The following COL24A1 variants were observed in gnomAD, a reference collection of about 807,000 sequenced individuals.
COL24A1 encodes the protein collagen type XXIV alpha 1 chain.
COL24A1 carries 224 observed loss-of-function variants against 253.9 expected under a neutral mutation model. The ratio of observed to expected loss-of-function variants is 0.88; its 90% CI spans 0.79 to 0.99. The LOEUF is 0.99. Among genes scored for constraint, COL24A1 ranks in the 50% least tolerant of loss-of-function variants. The pLI, the probability that COL24A1 is intolerant of heterozygous loss-of-function variation, is 0.00. For missense variants in COL24A1, 2,131 were observed against 2,068.5 expected, an observed-to-expected ratio of 1.03 and a Z score of -0.59; for synonymous variants, 685 against 673.7, an observed-to-expected ratio of 1.02 and a Z score of -0.26.
intron 19 of COL24A1, among the ~76,000 whole-genome samples, chr1:86,006,194 A>G (rs1369896852): frequency 6.6e-6 from 1 of 152,212 alleles, no homozygotes; most frequent in Non-Finnish European, 1.5e-5. Flanking sequence ...CAAAAGACCC[A>G]AAACAGCCAA....
intron 25 of COL24A1, among the ~76,000 whole-genome samples, chr1:85,910,868 A>T (rs2102926952): frequency 6.6e-6 from 1 of 151,960 alleles, no homozygotes; most frequent in East Asian, 1.9e-4. Flanking sequence ...ATTAGGAAGG[A>T]TGAGAGGAGT....
chr1:85,744,424 T>C (rs140753244), intron 57 of COL24A1, among the ~76,000 whole-genome samples: 361 of 152,128 alleles, frequency 2.4e-3, no homozygotes, highest in African/African-American at 7.2e-3. Flanking sequence ...CCTTTCTTAA[T>C]TTTTAATATG....
intron 12 of COL24A1, among the ~76,000 whole-genome samples, chr1:86,046,386 T>TA (rs1055954002): frequency 1.3e-5 from 2 of 152,144 alleles, no homozygotes; most frequent in Non-Finnish European, 2.9e-5. Flanking sequence ...GGATTTTTTT[T>TA]AACCTGAAAA....
intron 47 of COL24A1, among the ~76,000 whole-genome samples, chr1:85,791,807 C>A (rs530345779): frequency 6.6e-6 from 1 of 152,048 alleles, no homozygotes; most frequent in Admixed American, 6.6e-5. Flanking sequence ...TTAACAAGTG[C>A]AGAAAATTCT....
At chr1:86,111,692 C>T (rs1705628450) in intron 5 of COL24A1, among the ~76,000 whole-genome samples, 2 of 152,184 alleles carry the variant, frequency 1.3e-5, no homozygotes, top group Non-Finnish European at 2.9e-5. Flanking sequence ...CTTGCTGCTG[C>T]TAACTCTTTG....
chr1:85,992,079 C>T (rs1448555895), intron 19 of COL24A1, among the ~76,000 whole-genome samples: 1 of 151,944 alleles, frequency 6.6e-6, no homozygotes, highest in African/African-American at 2.4e-5. Context: ...CCACTCCCCC[C>T]ACCCCACAAC....
intron 24 of COL24A1, among the ~76,000 whole-genome samples, chr1:85,927,352 C>G: frequency 6.6e-6 from 1 of 151,780 alleles, no homozygotes; most frequent in African/African-American, 2.4e-5. Context: ...TCACTCCCAC[C>G]CGAATATTGC....
In COL24A1 at chr1:86,089,190, C is replaced by T; in HGVS notation, c.1691G>A (p.Gly564Asp). 6.3e-7 allele frequency: 1 copy of T among 1,583,874 alleles called. No homozygotes were observed. Among genetic ancestry groups the T allele is most frequent in the Non-Finnish European group, 8.5e-7 (1 of 1,172,002 alleles). The change falls in exon 7 of 60, where the codon GGT (glycine) becomes GAT (aspartate). Residue 564 changes from glycine (G) to aspartate (D), a missense_variant. By Grantham distance (94) the Gly-to-Asp change is moderately conservative (BLOSUM62 -1). Transcript: ENST00000370571. ...CCAACTTACCTTATCACCTTGCATA[C>T]CAGGGGGGCCCATTAATCCAGAAAG... ...QGLSGLMGPP[G>D]MQGDKGLKGH...
At chr1:85,980,775 G>T (rs548750722) in intron 20 of COL24A1, among the ~76,000 whole-genome samples, 1 of 152,010 alleles carries the variant, frequency 6.6e-6, no homozygotes, top group Admixed American at 6.6e-5. Flanking sequence ...CAGGCATGGT[G>T]GTGGGCACCT....
intron 24 of COL24A1, among the ~76,000 whole-genome samples, chr1:85,924,837 G>A (rs1363605694): frequency 6.6e-6 from 1 of 152,140 alleles, no homozygotes; most frequent in African/African-American, 2.4e-5. Flanking sequence ...TCAGGCAAGA[G>A]AAAGAAATAA....
At chr1:86,119,111 T>C (rs932996751) in intron 3 of COL24A1, among the ~76,000 whole-genome samples, 2 of 152,046 alleles carry the variant, frequency 1.3e-5, no homozygotes, top group Non-Finnish European at 2.9e-5. Context: ...GTGAGAACAT[T>C]TTGCAGACTA....
chr1:86,151,664 C>G (rs1359488874), intron 1 of COL24A1, among the ~76,000 whole-genome samples: 1 of 152,162 alleles, frequency 6.6e-6, no homozygotes, highest in African/African-American at 2.4e-5. Flanking sequence ...GGCATCGTTC[C>G]TAGATGATTC....
chr1:85,899,674 G>T (rs1408233537), intron 28 of COL24A1, among the ~76,000 whole-genome samples: 1 of 152,170 alleles, frequency 6.6e-6, no homozygotes, highest in Non-Finnish European at 1.5e-5. Context: ...TTGGTCCAAA[G>T]ATAGAAAATA....
intron 55 of COL24A1, among the ~76,000 whole-genome samples, chr1:85,756,963 A>T (rs746599649): frequency 1.3e-5 from 2 of 152,250 alleles, no homozygotes; most frequent in African/African-American, 4.8e-5. Context: ...ACAAAAAGAC[A>T]AATATTGTAT....
chr1:85,907,081 A>G lies in COL24A1; in HGVS notation c.2778+113T>C, dbSNP rs932331244. On this transcript the variant is annotated intron_variant, in intron 28 of 59. Transcript: ENST00000370571. ...ATATAATGAAAATAGAAAAAACCTG[A>G]CAAGATCTAAGCAGAATTCTAGAAG... is the stretch of plus-strand genomic sequence containing the variant. 9.4e-6 allele frequency: 7 copies of G among 744,772 alleles called. No individual in the cohort carries two copies. The East Asian group carries it at 1.8e-4, about 19-fold the overall frequency. 46.1% of individuals were successfully genotyped at this position (744,772 alleles called of 1,614,324 possible).
At chr1:85,905,929 T>C (rs1320428886) in intron 28 of COL24A1, among the ~76,000 whole-genome samples, 1 of 152,098 alleles carries the variant, frequency 6.6e-6, no homozygotes, top group Non-Finnish European at 1.5e-5. Flanking sequence ...TTATGACTTA[T>C]ACAAAGTTGA....
At chr1:86,120,481 G>A (rs1357210226) in intron 3 of COL24A1, among the ~76,000 whole-genome samples, 1 of 152,152 alleles carries the variant, frequency 6.6e-6, no homozygotes, top group East Asian at 1.9e-4. Flanking sequence ...AGTGGGCAAA[G>A]GATATGAACA....
At chr1:86,132,484 T>C (rs532652603) in intron 2 of COL24A1, among the ~76,000 whole-genome samples, 6 of 152,088 alleles carry the variant, frequency 3.9e-5, no homozygotes, top group African/African-American at 7.2e-5. Context: ...TCTTCTAGGG[T>C]TTTTATGGTT....
chr1:85,990,811 C>G (rs954544011), intron 19 of COL24A1, among the ~76,000 whole-genome samples: 1 of 152,062 alleles, frequency 6.6e-6, no homozygotes, highest in African/African-American at 2.4e-5. Flanking sequence ...AATGATACAA[C>G]AACAAAAACT....
Sources: allele counts gnomAD v4.1 joint callset (sites outside exome capture counted in the v4.1 genomes callset), GRCh38; gene constraint gnomAD v4.1.1; transcripts MANE v1.5; gene names NCBI Gene and HGNC (gene_info 2026-07-23, HGNC 2026-07-21).